The following CNBD1 variants were observed in gnomAD, a reference collection of about 807,000 sequenced individuals.
The protein encoded by CNBD1 is cyclic nucleotide binding domain containing 1, also known as cyclic nucleotide-binding domain-containing protein 1.
In CNBD1, 71 loss-of-function variants were observed where a neutral mutation model predicts 54.4. The observed-to-expected ratio is 1.30, with a 90% CI of 1.08 to 1.59. The LOEUF (loss-of-function observed/expected upper bound fraction) is 1.59. Ranked by LOEUF, CNBD1 falls within the 40% of genes most tolerant of loss-of-function variation. CNBD1 has a pLI of 0.00. For synonymous variants in CNBD1, 182 were observed against 170.7 expected, an observed-to-expected ratio of 1.07 and a Z score of -0.51; for missense variants, 659 against 518.0, an observed-to-expected ratio of 1.27 and a Z score of -2.64.
intron 8 of CNBD1, among the ~76,000 whole-genome samples, chr8:87,335,890 G>A (rs1276634705): frequency 6.6e-6 from 1 of 152,302 alleles, no homozygotes; most frequent in Non-Finnish European, 1.5e-5. Context: ...ACTCTTGCAA[G>A]GCAGGCCTGG....
intron 10 of CNBD1, among the ~76,000 whole-genome samples, chr8:87,367,088 G>A (rs1156244219): frequency 1.3e-5 from 2 of 151,912 alleles, no homozygotes; most frequent in Non-Finnish European, 1.5e-5. Context: ...TATACCATTG[G>A]GACTTTATCC....
chr8:87,147,591 C>T (rs1239196529), intron 4 of CNBD1, among the ~76,000 whole-genome samples: 2 of 151,992 alleles, frequency 1.3e-5, no homozygotes, highest in Non-Finnish European at 2.9e-5. Context: ...AAATAATGCT[C>T]AGAGTAATTT....
At chr8:87,388,514 A>AT (rs1181576367) in intron 2 of CNBD1, among the ~76,000 whole-genome samples, 1 of 152,234 alleles carries the variant, frequency 6.6e-6, no homozygotes, top group Non-Finnish European at 1.5e-5. Context: ...AAATGGATAA[A>AT]TTCCTCGACA....
intron 4 of CNBD1, among the ~76,000 whole-genome samples, chr8:87,068,516 G>C (rs533708616): frequency 4.5e-4 from 68 of 152,082 alleles, no homozygotes; most frequent in Non-Finnish European, 4.6e-4. Flanking sequence ...TTCTCAGTGT[G>C]TATGTGTTTA....
At chr8:86,985,530 C>T (rs551238237) in intron 4 of CNBD1, among the ~76,000 whole-genome samples, 3 of 152,270 alleles carry the variant, frequency 2.0e-5, no homozygotes, top group Non-Finnish European at 4.4e-5. Context: ...ATTATGGGCT[C>T]AAGCTGCATC....
At chr8:87,039,273 A>G (rs60892830) in intron 4 of CNBD1, among the ~76,000 whole-genome samples, 4,608 of 152,296 alleles carry the variant, frequency 0.03, 241 homozygotes, top group African/African-American at 0.1. Context: ...TTTTATGGGT[A>G]TAAAACATTT....
chr8:87,111,389 G>A (rs1811658415), intron 4 of CNBD1, among the ~76,000 whole-genome samples: 1 of 152,174 alleles, frequency 6.6e-6, no homozygotes, highest in South Asian at 2.1e-4. Context: ...ATCTCATAAT[G>A]TCGTTATCTG....
At chr8:87,333,090 C>T (rs1809869849) in intron 8 of CNBD1, among the ~76,000 whole-genome samples, 1 of 152,052 alleles carries the variant, frequency 6.6e-6, no homozygotes, top group African/African-American at 2.4e-5. Context: ...TTCTTCATGT[C>T]CCTTGTTAGA....
chr8:87,398,457 G>A (rs1294463651), intron 2 of CNBD1, among the ~76,000 whole-genome samples: 1 of 151,874 alleles, frequency 6.6e-6, no homozygotes, highest in Non-Finnish European at 1.5e-5. Context: ...CATTTGCTGT[G>A]TGTGTGCCTG....
downstream of CNBD1, among the ~76,000 whole-genome samples, chr8:87,387,594 AG>A (rs1422005704): frequency 2.0e-5 from 3 of 152,224 alleles, no homozygotes; most frequent in Admixed American, 2.0e-4. Flanking sequence ...AGGAGCACCC[AG>A]GTTCATAAAG....
At chr8:87,126,891 C>G (rs1371441957) in intron 4 of CNBD1, among the ~76,000 whole-genome samples, 3 of 151,802 alleles carry the variant, frequency 2.0e-5, no homozygotes, top group African/African-American at 7.3e-5. Context: ...TATTGAAAAA[C>G]TATTATTTTC....
chr8:86,965,651 G>A (rs191685271), intron 4 of CNBD1, among the ~76,000 whole-genome samples: 10 of 152,206 alleles, frequency 6.6e-5, no homozygotes, highest in Non-Finnish European at 8.8e-5. Context: ...AAAATGTTAC[G>A]GGATCTTTGG....
At chr8:87,408,105 A>G (rs771203250) in intron 2 of CNBD1, among the ~76,000 whole-genome samples, 16 of 151,976 alleles carry the variant, frequency 1.1e-4, no homozygotes, top group African/African-American at 1.4e-4. Flanking sequence ...TTCGTTGATT[A>G]TCTTTCCCCT....
At chr8:86,942,434 A>G (rs1365512811) in intron 4 of CNBD1, among the ~76,000 whole-genome samples, 1 of 152,148 alleles carries the variant, frequency 6.6e-6, no homozygotes, top group Non-Finnish European at 1.5e-5. Flanking sequence ...GGAGCATAGG[A>G]TCCTCTTCCA....
At chr8:86,918,229 TA>T (rs200062695) in intron 3 of CNBD1, among the ~76,000 whole-genome samples, 1,976 of 151,882 alleles carry the variant, frequency 0.013, 23 homozygotes, top group South Asian at 0.033. Flanking sequence ...TGTCATGACT[TA>T]AAAAAAAATT....
intron 4 of CNBD1, among the ~76,000 whole-genome samples, chr8:87,023,412 C>T (rs59335469): frequency 0.03 from 4,591 of 152,112 alleles, 240 homozygotes; most frequent in African/African-American, 0.1. Flanking sequence ...TTATTTACCT[C>T]GGTGAGGCTT....
In CNBD1 at chr8:87,312,703, G is replaced by A. The variant is rs182650327; in HGVS notation, c.1042+26032G>A. 5.3e-5 allele frequency among the ~76,000 whole-genome samples: 8 copies of A among 151,770 alleles called. No individual in the cohort carries two copies. The East Asian group carries it at 1.2e-3, about 22-fold the overall frequency. Reference sequence around the variant, plus strand: ...TTAGCTTTAATGAAAATAGTATTTCGAGGTGTTTTTTTAAAAAACAAATCT... The same window carrying A: ...TTAGCTTTAATGAAAATAGTATTTCAAGGTGTTTTTTTAAAAAACAAATCT... On this transcript the variant is annotated intron_variant, in intron 8 of 10. Transcript: ENST00000518476.
intron 1 of CNBD1, among the ~76,000 whole-genome samples, chr8:86,869,572 GA>G (rs1808412270): frequency 6.6e-6 from 1 of 152,120 alleles, no homozygotes; most frequent in South Asian, 2.1e-4. Flanking sequence ...TTTCTTCTTT[GA>G]AACTTTCAAG....
chr8:87,229,069 G>T (rs1814595319), intron 5 of CNBD1, among the ~76,000 whole-genome samples: 1 of 152,196 alleles, frequency 6.6e-6, no homozygotes, highest in Non-Finnish European at 1.5e-5. Flanking sequence ...CTGACCCCTT[G>T]TGCTTCCTCA....
Sources: allele counts gnomAD v4.1 joint callset (sites outside exome capture counted in the v4.1 genomes callset), GRCh38; gene constraint gnomAD v4.1.1; transcripts MANE v1.5; gene names NCBI Gene and HGNC (gene_info 2026-07-23, HGNC 2026-07-21).